The following ARL15 variants were observed in gnomAD, a reference collection of about 807,000 sequenced individuals.
The protein encoded by ARL15 is ADP-ribosylation factor-like protein 15.
A neutral mutation model predicts 25.2 loss-of-function variants in ARL15; 19 were observed. The ratio of observed to expected loss-of-function variants is 0.75; its 90% CI spans 0.53 to 1.10. ARL15 has a LOEUF of 1.10. ARL15 is among the 50% of genes least tolerant of loss of function. The pLI is 0.00. For synonymous variants in ARL15, 94 were observed against 86.8 expected, an observed-to-expected ratio of 1.08 and a Z score of -0.46; for missense variants, 220 against 246.0, an observed-to-expected ratio of 0.89 and a Z score of 0.71.
chr5:54,230,524 C>T (rs77774477), intron 1 of ARL15, among the ~76,000 whole-genome samples: 80 of 152,128 alleles, frequency 5.3e-4, no homozygotes, highest in African/African-American at 1.9e-3. Flanking sequence ...CATGGGACTA[C>T]GTCAAAAATA....
chr5:54,085,555 G>A (rs1462896633), intron 4 of ARL15, among the ~76,000 whole-genome samples: 4 of 152,112 alleles, frequency 2.6e-5, no homozygotes, highest in African/African-American at 7.2e-5. Context: ...ATGAATTAGG[G>A]AGGAAACATG....
intron 4 of ARL15, among the ~76,000 whole-genome samples, chr5:53,956,741 A>G (rs1316970531): frequency 6.6e-6 from 1 of 152,076 alleles, no homozygotes; most frequent in East Asian, 1.9e-4. Context: ...GAGACCATCA[A>G]TAAAGAGATA....
intron 1 of ARL15, among the ~76,000 whole-genome samples, chr5:54,256,784 A>C (rs1757381947): frequency 6.6e-6 from 1 of 152,168 alleles, no homozygotes; most frequent in African/African-American, 2.4e-5. Context: ...GGGATGGTTT[A>C]ACATATTCAA....
At chr5:53,994,737 C>CTACATTTT (rs1406906068) in intron 4 of ARL15, among the ~76,000 whole-genome samples, 1 of 152,162 alleles carries the variant, frequency 6.6e-6, no homozygotes, top group Admixed American at 6.5e-5. Context: ...TACCAGCTGC[C>CTACATTTT]TTGTTTTAAA....
intron 1 of ARL15, among the ~76,000 whole-genome samples, chr5:54,271,385 A>G (rs1287385100): frequency 6.6e-6 from 1 of 152,246 alleles, no homozygotes; most frequent in Non-Finnish European, 1.5e-5. Context: ...GTATTTGCAT[A>G]TAACCTATGC....
chr5:53,975,982 T>C (rs767794205), intron 4 of ARL15, among the ~76,000 whole-genome samples: 4 of 152,218 alleles, frequency 2.6e-5, no homozygotes, highest in African/African-American at 7.2e-5. Flanking sequence ...ACCTTTAGGA[T>C]TGAAGATTCG....
intron 4 of ARL15, among the ~76,000 whole-genome samples, chr5:53,938,155 T>C (rs1241273637): frequency 6.6e-6 from 1 of 152,196 alleles, no homozygotes; most frequent in East Asian, 1.9e-4. Context: ...AAATGTTTTA[T>C]TTTGCTTTTA....
At chr5:53,952,721 G>A (rs1478015937) in intron 4 of ARL15, among the ~76,000 whole-genome samples, 3 of 152,040 alleles carry the variant, frequency 2.0e-5, no homozygotes, top group African/African-American at 4.8e-5. Flanking sequence ...ATGAAACTCT[G>A]TTATTGTGCC....
chr5:54,046,831 T>C (rs1294101199), intron 4 of ARL15, among the ~76,000 whole-genome samples: 3 of 152,152 alleles, frequency 2.0e-5, no homozygotes, highest in South Asian at 4.1e-4. Context: ...GTAAGCCAGA[T>C]TGGGGCAACA....
At chr5:53,966,046 CT>C (rs1265367837) in intron 4 of ARL15, among the ~76,000 whole-genome samples, 1 of 152,106 alleles carries the variant, frequency 6.6e-6, no homozygotes, top group Non-Finnish European at 1.5e-5. Flanking sequence ...AAAAGGCTGT[CT>C]TTTTGGTATA....
intron 4 of ARL15, among the ~76,000 whole-genome samples, chr5:54,004,823 C>T (rs1157663416): frequency 6.6e-6 from 1 of 151,744 alleles, no homozygotes; most frequent in African/African-American, 2.4e-5. Flanking sequence ...GGGGTTATAG[C>T]TGAAGTTTAT....
chr5:54,092,073 C>CACACACACACACACACACACACACACA (rs143647206), intron 4 of ARL15, among the ~76,000 whole-genome samples: 11 of 149,712 alleles, frequency 7.3e-5, no homozygotes, highest in Admixed American at 2.0e-4. Context: ...CACACACACA[C>CACACACACACACACACACACACACACA]CACCACCACC....
intron 1 of ARL15, among the ~76,000 whole-genome samples, chr5:54,227,733 A>G (rs1387819702): frequency 6.6e-6 from 1 of 152,216 alleles, no homozygotes; most frequent in Non-Finnish European, 1.5e-5. Flanking sequence ...ACTGAAAGAA[A>G]AGATAACTTT....
At chr5:54,207,780 T>C (rs149028758) in intron 1 of ARL15, among the ~76,000 whole-genome samples, 78 of 152,256 alleles carry the variant, frequency 5.1e-4, no homozygotes, top group Non-Finnish European at 9.4e-4. Flanking sequence ...AGATCCCTTA[T>C]AAATGGGCAT....
At chr5:53,963,629 G>A (rs2112157287) in intron 4 of ARL15, among the ~76,000 whole-genome samples, 2 of 152,198 alleles carry the variant, frequency 1.3e-5, no homozygotes, top group Non-Finnish European at 2.9e-5. Flanking sequence ...CCAACATGGT[G>A]AAACCCTGTC....
At chr5:53,988,313 G>T (rs923637681) in intron 4 of ARL15, among the ~76,000 whole-genome samples, 6 of 114,190 alleles carry the variant, frequency 5.3e-5, no homozygotes, top group African/African-American at 9.8e-5. Context: ...AAGAAAAAAA[G>T]AAAAAAAGAA....
intron 4 of ARL15, among the ~76,000 whole-genome samples, chr5:53,935,802 C>A (rs1746331534): frequency 1.3e-5 from 2 of 152,170 alleles, no homozygotes; most frequent in South Asian, 2.1e-4. Context: ...GTTGCCCAGG[C>A]TGGAGTACAG....
intron 1 of ARL15, among the ~76,000 whole-genome samples, chr5:54,222,360 T>A (rs1485126280): frequency 6.6e-6 from 1 of 152,194 alleles, no homozygotes; most frequent in Admixed American, 6.5e-5. Flanking sequence ...AGATTCTATT[T>A]AGTCAATGAT....
chr5:54,036,136 T>C (rs1750158268), intron 4 of ARL15, among the ~76,000 whole-genome samples: 1 of 150,196 alleles, frequency 6.7e-6, no homozygotes, highest in South Asian at 2.1e-4. Context: ...GGCAACAGAG[T>C]GAGACCCCGC....
Sources: allele counts gnomAD v4.1 joint callset (sites outside exome capture counted in the v4.1 genomes callset), GRCh38; gene constraint gnomAD v4.1.1; transcripts MANE v1.5; gene names NCBI Gene and HGNC (gene_info 2026-07-23, HGNC 2026-07-21).